UIMC1: variants seen among roughly 807,000 people sequenced by gnomAD.
The protein encoded by UIMC1 is ubiquitin interaction motif containing 1.
Under a neutral mutation model 84.9 loss-of-function variants are expected in UIMC1, and 42 were observed. That is an observed-to-expected ratio of 0.49 (90% CI 0.39 to 0.64). UIMC1 has a LOEUF of 0.64. Among genes scored for constraint, UIMC1 ranks in the 30% least tolerant of loss-of-function variants. The pLI is 0.00. For missense variants in UIMC1, 825 were observed against 847.6 expected, an observed-to-expected ratio of 0.97 and a Z score of 0.33; for synonymous variants, 281 against 293.0, an observed-to-expected ratio of 0.96 and a Z score of 0.42.
At chr5:177,012,712 C>T (rs1368653985) in intron 1 of UIMC1, among the ~76,000 whole-genome samples, 1 of 151,552 alleles carries the variant, frequency 6.6e-6, no homozygotes, top group Admixed American at 6.6e-5. Flanking sequence ...ACCCAAAAAC[C>T]ACACAAAAAG....
At chr5:176,910,015 AC>A (rs1759914565) in intron 11 of UIMC1, among the ~76,000 whole-genome samples, 1 of 152,252 alleles carries the variant, frequency 6.6e-6, no homozygotes, top group Non-Finnish European at 1.5e-5. Context: ...TAGGCACTAA[AC>A]AAACAGCTAT....
At chr5:176,951,343 CTAACA>C (rs1765850807) in intron 9 of UIMC1, 126 bp downstream of exon 9, 2 of 590,290 alleles carry the variant, frequency 3.4e-6, no homozygotes, top group Admixed American at 3.1e-5. Context: ...AAATCTCTCC[CTAACA>C]TAAGGGCCCC....
Position 176,982,478 on chromosome 5 carries a change from A to G in UIMC1, c.138T>C (p.Ser46=), listed in dbSNP as rs749894428. 1 of 1,613,112 alleles carries G rather than the reference A, an allele frequency of 6.2e-7. No individual in the cohort carries two copies. Among genetic ancestry groups the G allele is most frequent in the Non-Finnish European group, 8.5e-7 (1 of 1,179,810 alleles). The change falls in exon 2 of 15, where the codon AGT becomes AGC. Residue 46 remains serine (S), a synonymous_variant. Coordinates refer to ENST00000511320, the MANE Select transcript of UIMC1 (RefSeq NM_001199298.2). The part of the protein sequence containing the change: ...LEDAFIVISD[S]DGEEPKEENG... Reference sequence around the variant, plus strand: ...GCTCTACTTCACTAACCTCTCCATCACTATCGGATATCACAATGAATGCAT... The same window carrying G: ...GCTCTACTTCACTAACCTCTCCATCGCTATCGGATATCACAATGAATGCAT...
chr5:177,022,091 T>C (rs964172645), intron 1 of UIMC1, among the ~76,000 whole-genome samples: 12 of 152,106 alleles, frequency 7.9e-5, no homozygotes, highest in Non-Finnish European at 1.5e-4. Flanking sequence ...TACAATAACC[T>C]AGGCAAGAGA....
chr5:176,914,039 CACCATACCAT>C (rs79787456), intron 10 of UIMC1, among the ~76,000 whole-genome samples: 10 of 139,980 alleles, frequency 7.1e-5, no homozygotes, highest in South Asian at 4.6e-4. Context: ...CCATACCATA[CACCATACCAT>C]ACCATACCAT....
chr5:176,973,347 A>G (rs1350409665), intron 3 of UIMC1, among the ~76,000 whole-genome samples: 1 of 152,214 alleles, frequency 6.6e-6, no homozygotes, highest in Admixed American at 6.5e-5. Flanking sequence ...ACATACAATC[A>G]GTACATAAAA....
intron 10 of UIMC1, among the ~76,000 whole-genome samples, chr5:176,939,013 G>A (rs1474177187): frequency 6.6e-6 from 1 of 151,584 alleles, no homozygotes; most frequent in Non-Finnish European, 1.5e-5. Flanking sequence ...AACACTTTAG[G>A]AGGCCAAGGC....
At chr5:176,925,981 T>C (rs568721623) in intron 10 of UIMC1, among the ~76,000 whole-genome samples, 2 of 152,266 alleles carry the variant, frequency 1.3e-5, no homozygotes, top group South Asian at 2.1e-4. Flanking sequence ...AAACATAACA[T>C]GGATTAAAGG....
At chr5:177,002,669 C>T (rs901481043) in intron 1 of UIMC1, among the ~76,000 whole-genome samples, 1 of 152,050 alleles carries the variant, frequency 6.6e-6, no homozygotes, top group African/African-American at 2.4e-5. Context: ...GGCGTAGTGG[C>T]ACGCGCCTGT....
chr5:176,986,759 T>C (rs942768924), intron 1 of UIMC1, among the ~76,000 whole-genome samples: 2 of 151,806 alleles, frequency 1.3e-5, no homozygotes, highest in Non-Finnish European at 2.9e-5. Context: ...CATGGTTCTA[T>C]CTCAAAAAAA....
At chr5:176,927,341 C>T (rs866438241) in intron 10 of UIMC1, among the ~76,000 whole-genome samples, 4 of 151,884 alleles carry the variant, frequency 2.6e-5, no homozygotes, top group Middle Eastern at 3.4e-3. Context: ...GCAACCTCCA[C>T]CTCCTGGGTT....
At chr5:176,976,320 A>C (rs926904415) in intron 2 of UIMC1, among the ~76,000 whole-genome samples, 9 of 152,294 alleles carry the variant, frequency 5.9e-5, no homozygotes, top group African/African-American at 1.9e-4. Flanking sequence ...CATCTCTAAA[A>C]ATAAATAAAT....
At chr5:176,917,088 A>G (rs528593331) in intron 10 of UIMC1, among the ~76,000 whole-genome samples, 1 of 152,282 alleles carries the variant, frequency 6.6e-6, no homozygotes, top group Non-Finnish European at 1.5e-5. Flanking sequence ...TCAGTAGAAA[A>G]TAATGGGAAG....
chr5:176,988,820 G>A (rs1772399676), intron 1 of UIMC1, among the ~76,000 whole-genome samples: 1 of 151,674 alleles, frequency 6.6e-6, no homozygotes, highest in Admixed American at 6.6e-5. Flanking sequence ...AGCAGCTGGG[G>A]CTACAGGCAT....
chr5:176,968,916 ATAC>A lies in UIMC1; in HGVS notation c.836_838del (p.Gly279_Ile280delinsVal). 1 of 1,614,166 alleles carries A rather than the reference ATAC, an allele frequency of 6.2e-7. No individual in the cohort carries two copies. The highest frequency in any genetic ancestry group is 8.5e-7 in the Non-Finnish European group (1 of 1,180,010). On this transcript the variant is annotated inframe_deletion, in exon 6 of 15. Transcript: ENST00000511320. ...GTCTACTCCATCAGGGCAGAATGGA[ATAC>A]CCCAGAAATAGTTCACAGTGCCCCC...
At chr5:176,964,061 A>T (rs1767938960) in intron 6 of UIMC1, among the ~76,000 whole-genome samples, 1 of 152,178 alleles carries the variant, frequency 6.6e-6, no homozygotes, top group Non-Finnish European at 1.5e-5. Context: ...ATATAGACTA[A>T]GTTATGTGCC....
chr5:176,983,960 G>GCCA (rs1771485525), intron 1 of UIMC1, among the ~76,000 whole-genome samples: 2 of 137,468 alleles, frequency 1.5e-5, no homozygotes, highest in East Asian at 2.3e-4. Flanking sequence ...CTGCCCAGCC[G>GCCA]CCCCGTCTGG....
intron 1 of UIMC1, among the ~76,000 whole-genome samples, chr5:176,995,610 A>C (rs1054961735): frequency 7.3e-5 from 11 of 150,648 alleles, no homozygotes; most frequent in African/African-American, 2.7e-4. Flanking sequence ...TTGGGAGTCC[A>C]AGGCGGGTGG....
At chr5:176,960,173 G>C in intron 6 of UIMC1, among the ~76,000 whole-genome samples, 1 of 152,162 alleles carries the variant, frequency 6.6e-6, no homozygotes. Context: ...AACTTCGAGA[G>C]GTTAAATAAT....
Sources: gnomAD v4.1 joint callset for allele counts (sites outside exome capture counted in the v4.1 genomes callset) on GRCh38, gnomAD v4.1.1 for gene constraint, MANE v1.5 for transcripts, NCBI Gene and HGNC (gene_info 2026-07-23, HGNC 2026-07-21) for gene names.